Variants in ESR1 observed in about 807,000 individuals in gnomAD.
ESR1 encodes estrogen receptor 1, also known as estrogen receptor.
Under a neutral mutation model 52.7 loss-of-function variants are expected in ESR1, and 12 were observed. The ratio of observed to expected loss-of-function variants is 0.23; its 90% CI spans 0.15 to 0.37. ESR1 has a LOEUF of 0.37. ESR1 is among the 10% of genes least tolerant of loss of function. The probability of loss-of-function intolerance (pLI) is 1.00; values close to 1 mark genes in which losing one functional copy is unlikely to be tolerated. For missense variants in ESR1, 584 were observed against 779.7 expected (o/e 0.75, Z 2.99); for synonymous variants, 305 against 316.8 (o/e 0.96, Z 0.39).
chr6:152,044,916 C>T (rs2046104256), intron 5 of ESR1, among the ~76,000 whole-genome samples: 1 of 152,210 alleles, frequency 6.6e-6, no homozygotes, highest in Non-Finnish European at 1.5e-5. Context: ...CACATTGACA[C>T]TCAGTATTAA....
intron 4 of ESR1, among the ~76,000 whole-genome samples, chr6:151,999,883 T>G (rs1318997048): frequency 6.6e-6 from 1 of 152,110 alleles, no homozygotes; most frequent in Non-Finnish European, 1.5e-5. Context: ...AACCTTAATC[T>G]GAGAAGTCAT....
intron 5 of ESR1, among the ~76,000 whole-genome samples, chr6:152,059,751 A>G (rs1415182625): frequency 1.3e-5 from 2 of 152,184 alleles, no homozygotes; most frequent in Non-Finnish European, 2.9e-5. Context: ...ATATCCAAAG[A>G]CATAAACATA....
At chr6:151,897,042 G>A (rs1422078744) in intron 3 of ESR1, among the ~76,000 whole-genome samples, 1 of 152,132 alleles carries the variant, frequency 6.6e-6, no homozygotes, top group Non-Finnish European at 1.5e-5. Flanking sequence ...TGGACTGAGA[G>A]AGTAGTTGAC....
chr6:152,105,912 C>T (rs994847478), downstream of ESR1, among the ~76,000 whole-genome samples: 4 of 150,790 alleles, frequency 2.7e-5, no homozygotes, highest in Admixed American at 6.6e-5. Context: ...CTCAGCCTCC[C>T]GAGTAGCTGG....
rs139003342 is a variant in ESR1 at position 151,760,351 on chromosome 6, G to T, written c.-70-47492G>T. On this transcript the variant is annotated intron_variant, in intron 2 of 2. Coordinates refer to the ESR1 transcript ENST00000404742. Reference sequence around the variant, plus strand: ...ATTGTAGTTGGTGGAAAACTCCATTGAAGAAAGGGTCTATATTGCAACAAA... The same window carrying T: ...ATTGTAGTTGGTGGAAAACTCCATTTAAGAAAGGGTCTATATTGCAACAAA... Among the ~76,000 whole-genome samples, 32 of 152,316 alleles carry T rather than the reference G, an allele frequency of 2.1e-4. No individual in the cohort carries two copies. In the East Asian group the frequency reaches 6.2e-3, roughly 29 times the overall value.
intron 4 of ESR1, among the ~76,000 whole-genome samples, chr6:151,955,771 A>T (rs187750217): frequency 6.6e-6 from 1 of 152,286 alleles, no homozygotes; most frequent in East Asian, 1.9e-4. Flanking sequence ...CAAGTTTGTT[A>T]TATAGGTAAA....
At chr6:151,672,247 C>T (rs1402287765) in intron 1 of ESR1, among the ~76,000 whole-genome samples, 1 of 151,810 alleles carries the variant, frequency 6.6e-6, no homozygotes, top group Non-Finnish European at 1.5e-5. Context: ...CACATTGTAC[C>T]CAAAAATATA....
rs1284910890 is a variant in ESR1, at chr6:152,012,048, TCACA to T, written c.1235+256_1235+259del. Among the ~76,000 whole-genome samples the T allele has an allele frequency of 5.7e-4, 52 of 91,856 alleles. 1 individual carries two copies. Among genetic ancestry groups the T allele is most frequent in the African/African-American group, 2.2e-3 (50 of 22,464 alleles). 60.3% of individuals were successfully genotyped at this position (91,856 alleles called of 152,430 possible). A position where few individuals can be genotyped will look rare whatever the true frequency, so the allele number is the denominator to read the frequency against. On this transcript the variant is annotated intron_variant, in intron 5 of 7. Transcript: ENST00000206249. Reference sequence around the variant, plus strand: ...CACACACACACACACACACACACACTCACACTCTCTCTCTCTCTCTCTCTGTCAT... The same window carrying T: ...CACACACACACACACACACACACACTCTCTCTCTCTCTCTCTCTCTGTCAT...
At chr6:152,104,767 A>G (rs1345957906), downstream of ESR1, among the ~76,000 whole-genome samples, 1 of 152,074 alleles carries the variant, frequency 6.6e-6, no homozygotes, top group Non-Finnish European at 1.5e-5. Flanking sequence ...GGCAATAGAA[A>G]CTTCTTTTGT....
At chr6:152,011,852 A>G (rs1055094957) in intron 5 of ESR1, 58 bp downstream of exon 5, 82 of 1,579,192 alleles carry the variant, frequency 5.2e-5, no homozygotes, top group Non-Finnish European at 6.6e-5. Flanking sequence ...TAGTTCATTC[A>G]TGAAACTATT....
At chr6:151,775,326 C>G (rs1785867571) in intron 2 of ESR1, among the ~76,000 whole-genome samples, 1 of 152,118 alleles carries the variant, frequency 6.6e-6, no homozygotes, top group Non-Finnish European at 1.5e-5. Context: ...ATCTGAAAAT[C>G]CAAAATCTGA....
intron 2 of ESR1, among the ~76,000 whole-genome samples, chr6:151,713,120 G>C (rs572235034): frequency 6.6e-6 from 1 of 152,174 alleles, no homozygotes; most frequent in South Asian, 2.1e-4. Flanking sequence ...CATTGGTTCT[G>C]TTTATGTGAT....
At chr6:151,850,058 A>ATATATATATT (rs1562474230) in intron 2 of ESR1, among the ~76,000 whole-genome samples, 1 of 48,204 alleles carries the variant, frequency 2.1e-5, no homozygotes, top group African/African-American at 8.7e-5. Flanking sequence ...ATATATATAT[A>ATATATATATT]ATTTTATATA....
At chr6:152,034,015 A>G (rs1157607370) in intron 5 of ESR1, among the ~76,000 whole-genome samples, 2 of 152,150 alleles carry the variant, frequency 1.3e-5, no homozygotes, top group East Asian at 1.9e-4. Flanking sequence ...ACTGGAAACC[A>G]TCATTGTGAG....
intron 4 of ESR1, among the ~76,000 whole-genome samples, chr6:151,954,937 C>T (rs2036736120): frequency 6.6e-6 from 1 of 152,160 alleles, no homozygotes; most frequent in South Asian, 2.1e-4. Flanking sequence ...CCAATGCCGC[C>T]TTTACATTGG....
At chr6:152,050,503 A>T (rs1360600451) in intron 5 of ESR1, among the ~76,000 whole-genome samples, 1 of 152,136 alleles carries the variant, frequency 6.6e-6, no homozygotes, top group Non-Finnish European at 1.5e-5. Flanking sequence ...TTAATTTTGT[A>T]TCCAGACACT....
At chr6:151,673,387 A>C (rs140806105) in intron 1 of ESR1, among the ~76,000 whole-genome samples, 2,219 of 152,224 alleles carry the variant, frequency 0.015, 26 homozygotes, top group Non-Finnish European at 0.022. Flanking sequence ...CCTTTGTAAG[A>C]GTGTACCATT....
chr6:151,824,052 C>A (rs1393488214), intron 1 of ESR1, among the ~76,000 whole-genome samples: 4 of 152,154 alleles, frequency 2.6e-5, no homozygotes, highest in Non-Finnish European at 1.5e-5. Context: ...GCCACACTGA[C>A]TTCCACAATG....
At chr6:152,002,668 A>G (rs1053322951) in intron 4 of ESR1, among the ~76,000 whole-genome samples, 1 of 151,986 alleles carries the variant, frequency 6.6e-6, no homozygotes, top group Non-Finnish European at 1.5e-5. Flanking sequence ...TTAGTTTGCA[A>G]TCTACTCTCA....
Sources: gnomAD v4.1 joint callset for allele counts (sites outside exome capture counted in the v4.1 genomes callset) on GRCh38, gnomAD v4.1.1 for gene constraint, MANE v1.5 for transcripts, NCBI Gene and HGNC (gene_info 2026-07-23, HGNC 2026-07-21) for gene names.